Variants in CYRIA observed in about 807,000 individuals in gnomAD.
CYRIA encodes the protein CYFIP related Rac1 interactor A.
CYRIA carries 15 observed loss-of-function variants against 43.9 expected under a neutral mutation model. That is an observed-to-expected ratio of 0.34 (90% CI 0.23 to 0.53). The LOEUF (loss-of-function observed/expected upper bound fraction) is 0.53. CYRIA is among the 20% of genes least tolerant of loss of function. The pLI is 0.94. For synonymous variants in CYRIA, 117 were observed against 136.0 expected (o/e 0.86, Z 0.97); for missense variants, 236 against 394.2 (o/e 0.60, Z 3.40).
intron 3 of CYRIA, among the ~76,000 whole-genome samples, chr2:16,567,233 G>A (rs868403829): frequency 2.6e-5 from 4 of 151,976 alleles, no homozygotes; most frequent in Admixed American, 6.6e-5. Flanking sequence ...GTGAAACCCC[G>A]TCTCTACTAA....
At chr2:16,643,710 A>G (rs1431952938) in intron 1 of CYRIA, among the ~76,000 whole-genome samples, 1 of 152,194 alleles carries the variant, frequency 6.6e-6, no homozygotes, top group African/African-American at 2.4e-5. Flanking sequence ...CCAGGCTCAC[A>G]TCAGTGTTGC....
At chr2:16,660,897 C>T (rs1670235166) in intron 1 of CYRIA, among the ~76,000 whole-genome samples, 1 of 152,124 alleles carries the variant, frequency 6.6e-6, no homozygotes, top group African/African-American at 2.4e-5. Context: ...CACCTGGATT[C>T]GTGGGGGAAA....
At chr2:16,565,857 T>A (rs1461500984) in intron 3 of CYRIA, 90 bp from the exon 4 acceptor site, 2 of 1,239,682 alleles carry the variant, frequency 1.6e-6, no homozygotes, top group East Asian at 5.2e-5. Flanking sequence ...TGCTTGACAA[T>A]CCTATCATAT....
At position 16,643,860 on chromosome 2, in the gene CYRIA, C is replaced by G. The variant is rs377446205; in HGVS notation, c.-166-19841G>C. Among the ~76,000 whole-genome samples the G allele has an allele frequency of 5.3e-5, 8 of 152,344 alleles. No individual in the cohort carries two copies. The East Asian group carries it at 7.7e-4, about 15-fold the overall frequency. On this transcript the variant is annotated intron_variant, in intron 1 of 11. Coordinates refer to ENST00000381323, the MANE Select transcript of CYRIA (RefSeq NM_030797.4). ...TCAAAGAATATATTTTGAGAAACAG[C>G]ATTCCACTAGGCTTCACCTATGGGC...
intron 2 of CYRIA, among the ~76,000 whole-genome samples, chr2:16,602,307 G>A (rs751017206): frequency 5.3e-5 from 8 of 152,018 alleles, no homozygotes; most frequent in Non-Finnish European, 1.0e-4. Flanking sequence ...TGAAGAAATC[G>A]AAGACTCAGA....
intron 1 of CYRIA, among the ~76,000 whole-genome samples, chr2:16,630,534 T>C (rs1251327342): frequency 6.6e-6 from 1 of 152,138 alleles, no homozygotes; most frequent in Non-Finnish European, 1.5e-5. Context: ...AGTGCACCCA[T>C]GTTCAGGGCA....
chr2:16,554,620 G>A (rs1666437562), intron 11 of CYRIA, among the ~76,000 whole-genome samples: 1 of 152,164 alleles, frequency 6.6e-6, no homozygotes, highest in Non-Finnish European at 1.5e-5. Flanking sequence ...ATTTGGTCTT[G>A]AGTCACATGC....
At chr2:16,619,966 A>G (rs750833865) in intron 2 of CYRIA, among the ~76,000 whole-genome samples, 2 of 152,050 alleles carry the variant, frequency 1.3e-5, no homozygotes, top group Non-Finnish European at 2.9e-5. Context: ...CAGAGAACAC[A>G]TTTCATCCTC....
rs1668857135 is a variant in CYRIA, at chr2:16,617,815, G to C, written c.-11+6049C>G. 2.0e-5 allele frequency among the ~76,000 whole-genome samples: 3 copies of C among 152,204 alleles called. No individual in the cohort carries two copies. The South Asian group carries it at 6.2e-4, about 32-fold the overall frequency. ...CCTCAAGGACTCTTTTGGGAGTTGG[G>C]TATCTTAAAGACAAGTTCAGAGATG... is the stretch of plus-strand genomic sequence containing the variant. On this transcript the variant is annotated intron_variant, in intron 2 of 11. Transcript: ENST00000381323.
Position 16,628,765 on chromosome 2 carries a change from C to T in CYRIA, c.-166-4746G>A, listed in dbSNP as rs79671778. On this transcript the variant is annotated intron_variant, in intron 1 of 11. Transcript: ENST00000381323. The stretch of plus-strand genomic sequence containing the variant: ...TATGTCCAGTTGTGTTGGTAGAGGA[C>T]CCTTCTGGGCAATGCCTTGCTTCCC... Among the ~76,000 whole-genome samples, 646 of 152,250 alleles carry T rather than the reference C, an allele frequency of 4.2e-3. 6 individuals are homozygous for T. Among genetic ancestry groups the T allele is most frequent in the East Asian group, 0.034 (175 of 5,178 alleles).
chr2:16,621,483 A>T (rs1199151484), intron 2 of CYRIA, among the ~76,000 whole-genome samples: 4 of 152,172 alleles, frequency 2.6e-5, no homozygotes, highest in Non-Finnish European at 5.9e-5. Flanking sequence ...CTAACACTGC[A>T]TTGGGAAAGA....
At chr2:16,563,313 A>T (rs1666816561) in intron 5 of CYRIA, among the ~76,000 whole-genome samples, 1 of 152,126 alleles carries the variant, frequency 6.6e-6, no homozygotes. Flanking sequence ...TAGTCCTCTT[A>T]ACATCACGGT....
At chr2:16,581,183 A>G (rs1667537143) in intron 3 of CYRIA, among the ~76,000 whole-genome samples, 1 of 152,218 alleles carries the variant, frequency 6.6e-6, no homozygotes, top group Non-Finnish European at 1.5e-5. Flanking sequence ...AGGTAAAAAT[A>G]TTTGCAAGAT....
chr2:16,577,475 A>G (rs1461539270), intron 3 of CYRIA, among the ~76,000 whole-genome samples: 1 of 152,188 alleles, frequency 6.6e-6, no homozygotes, highest in Admixed American at 6.5e-5. Context: ...ATTTTTGACT[A>G]TAAGAAAGTT....
chr2:16,565,964 TAGTC>T (rs1375227491), intron 3 of CYRIA, among the ~76,000 whole-genome samples, 197 bp from the exon 4 acceptor site: 1 of 152,278 alleles, frequency 6.6e-6, no homozygotes, highest in Non-Finnish European at 1.5e-5. Context: ...CAGTTTAAAA[TAGTC>T]AATGATCTTT....
chr2:16,590,423 C>CT (rs1667888445), intron 2 of CYRIA, among the ~76,000 whole-genome samples: 1 of 152,110 alleles, frequency 6.6e-6, no homozygotes, highest in Admixed American at 6.6e-5. Flanking sequence ...ATACAAAGTG[C>CT]TTTGATGGAA....
intron 1 of CYRIA, among the ~76,000 whole-genome samples, chr2:16,646,392 G>A (rs536861889): frequency 6.6e-6 from 1 of 152,290 alleles, no homozygotes; most frequent in South Asian, 2.1e-4. Context: ...TGCCTGTTTA[G>A]TTGTCCTATG....
At chr2:16,651,541 G>C (rs561422877) in intron 1 of CYRIA, among the ~76,000 whole-genome samples, 9 of 152,322 alleles carry the variant, frequency 5.9e-5, no homozygotes, top group Non-Finnish European at 1.0e-4. Context: ...TCACCAGGTA[G>C]CACCTTGTGA....
chr2:16,551,292 A>G lies in CYRIA; in HGVS notation c.*1644T>C, dbSNP rs956099407. 6.6e-6 allele frequency: 1 copy of G among 152,172 alleles called. No individual in the cohort carries two copies. Among genetic ancestry groups the G allele is most frequent in the African/African-American group, 2.4e-5 (1 of 41,452 alleles). 9.4% of individuals were successfully genotyped at this position (152,172 alleles called of 1,614,324 possible). A position where few individuals can be genotyped will look rare whatever the true frequency, so the allele number is the denominator to read the frequency against. ...TTATAGCTCATTCCTGGGATGTTGC[A>G]AATAATGCCAAACTCTGATGTACTC... On this transcript the variant is annotated 3_prime_UTR_variant, in exon 12 of 12. Transcript: ENST00000381323.
Sources: allele counts gnomAD v4.1 joint callset (sites outside exome capture counted in the v4.1 genomes callset), GRCh38; gene constraint gnomAD v4.1.1; transcripts MANE v1.5; gene names NCBI Gene and HGNC (gene_info 2026-07-23, HGNC 2026-07-21).